ULK4: variants seen among roughly 807,000 people sequenced by gnomAD.
The protein encoded by ULK4 is unc-51 like kinase 4.
A neutral mutation model predicts 160.6 loss-of-function variants in ULK4; 133 were observed. The observed-to-expected ratio is 0.83, with a 90% CI of 0.72 to 0.96. The LOEUF (loss-of-function observed/expected upper bound fraction) is 0.96, where lower values mean the gene tolerates loss of function less well. Among genes scored for constraint, ULK4 ranks in the 40% least tolerant of loss-of-function variants. ULK4 has a pLI of 0.00. For missense variants in ULK4, 1,580 were observed against 1,499.5 expected (o/e 1.05, Z -0.89); for synonymous variants, 534 against 539.8 (o/e 0.99, Z 0.15).
At chr3:41,565,086 T>C (rs1046678800) in intron 32 of ULK4, among the ~76,000 whole-genome samples, 1 of 152,200 alleles carries the variant, frequency 6.6e-6, no homozygotes, top group Non-Finnish European at 1.5e-5. Context: ...CTACGGGCAA[T>C]AGGCAATAAA....
chr3:41,286,819 C>CA (rs1305027901), intron 35 of ULK4, among the ~76,000 whole-genome samples: 1 of 152,218 alleles, frequency 6.6e-6, no homozygotes. Context: ...CTCTTGCTGT[C>CA]AAAGTCGCTC....
At chr3:41,881,309 A>C (rs1411718963) in intron 17 of ULK4, among the ~76,000 whole-genome samples, 1 of 148,222 alleles carries the variant, frequency 6.7e-6, no homozygotes, top group African/African-American at 2.5e-5. Context: ...AAAAAAAAAA[A>C]ACAGGAAAAA....
chr3:41,702,370 C>T (rs2036704846), intron 27 of ULK4, among the ~76,000 whole-genome samples: 3 of 152,100 alleles, frequency 2.0e-5, no homozygotes, highest in South Asian at 4.1e-4. Flanking sequence ...GTCTTGAACT[C>T]CCAACCTCAT....
At chr3:41,403,800 A>T (rs1370890706) in intron 34 of ULK4, among the ~76,000 whole-genome samples, 1 of 151,918 alleles carries the variant, frequency 6.6e-6, no homozygotes, top group Non-Finnish European at 1.5e-5. Context: ...TTTCATTTTC[A>T]TTCAGTTCTA....
intron 2 of ULK4, among the ~76,000 whole-genome samples, chr3:41,950,075 C>T (rs193057280): frequency 2.4e-3 from 368 of 151,754 alleles, no homozygotes; most frequent in African/African-American, 7.9e-3. Flanking sequence ...ACTGGCAAAA[C>T]TCTATTTTTA....
intron 17 of ULK4, among the ~76,000 whole-genome samples, chr3:41,854,451 T>G (rs1162893985): frequency 6.6e-6 from 1 of 152,154 alleles, no homozygotes; most frequent in Non-Finnish European, 1.5e-5. Flanking sequence ...GTAGCAGCCC[T>G]TATCTGCACA....
intron 17 of ULK4, among the ~76,000 whole-genome samples, chr3:41,844,268 G>A (rs2042010014): frequency 1.3e-5 from 2 of 152,158 alleles, no homozygotes; most frequent in Non-Finnish European, 2.9e-5. Flanking sequence ...CGCGGAGGGG[G>A]TGGGAGGCTC....
Position 41,882,394 on chromosome 3 carries a change from T to C in ULK4, c.1656+1480A>G. The C allele has an allele frequency of 7.7e-6, 5 of 652,398 alleles. No individual in the cohort carries two copies. In the South Asian group the frequency reaches 8.6e-5, roughly 11 times the overall value. 40.4% of individuals were successfully genotyped at this position (652,398 alleles called of 1,614,324 possible). The stretch of plus-strand genomic sequence containing the variant: ...TTACAGGGTGGTCGTAGTATTCTTT[T>C]CTATAAGTTGATCATCTCAATTCAG... On this transcript the variant is annotated intron_variant, in intron 17 of 36. Coordinates refer to ENST00000301831, the MANE Select transcript of ULK4 (RefSeq NM_017886.4).
At chr3:41,461,773 C>T (rs2083690410) in intron 33 of ULK4, among the ~76,000 whole-genome samples, 1 of 152,072 alleles carries the variant, frequency 6.6e-6, no homozygotes, top group Admixed American at 6.6e-5. Flanking sequence ...TTTCTGTCTA[C>T]AATTTACAAG....
Position 41,352,775 on chromosome 3 carries a change from A to G in ULK4, c.3678+45304T>C, listed in dbSNP as rs757313662. 6.6e-4 allele frequency among the ~76,000 whole-genome samples: 100 copies of G among 152,302 alleles called. 1 individual carries two copies. The highest frequency in any genetic ancestry group is 2.5e-3 in the South Asian group (12 of 4,830). ...CTCATCTCTGCAGAGCTCAAAGCCCAAACAGGAGAGTGCGTGGCTTGCAGG... is the reference window on the plus strand; with the variant it reads ...CTCATCTCTGCAGAGCTCAAAGCCCGAACAGGAGAGTGCGTGGCTTGCAGG... On this transcript the variant is annotated intron_variant, in intron 35 of 36. Coordinates refer to ENST00000301831, the MANE Select transcript of ULK4 (RefSeq NM_017886.4).
intron 21 of ULK4, among the ~76,000 whole-genome samples, chr3:41,762,994 T>C (rs2039039877): frequency 1.3e-5 from 2 of 152,042 alleles, no homozygotes; most frequent in African/African-American, 4.8e-5. Flanking sequence ...CATCAGCTCT[T>C]GTGAGAACTC....
chr3:41,374,317 C>T (rs962454263), intron 35 of ULK4, among the ~76,000 whole-genome samples: 4 of 152,090 alleles, frequency 2.6e-5, no homozygotes, highest in South Asian at 4.1e-4. Flanking sequence ...TACCAAAACC[C>T]GGCAGAGACA....
chr3:41,608,982 G>A (rs568858193), intron 31 of ULK4, among the ~76,000 whole-genome samples: 4 of 152,330 alleles, frequency 2.6e-5, no homozygotes, highest in African/African-American at 9.6e-5. Flanking sequence ...AAGGAAGAAT[G>A]TGTATGTACT....
intron 32 of ULK4, among the ~76,000 whole-genome samples, chr3:41,509,958 T>C (rs1430511638): frequency 6.6e-6 from 1 of 152,126 alleles, no homozygotes; most frequent in Non-Finnish European, 1.5e-5. Context: ...GCAAGATGAA[T>C]AGAATAGTAC....
chr3:41,931,296 A>G (rs546579531), intron 5 of ULK4, among the ~76,000 whole-genome samples: 2 of 152,052 alleles, frequency 1.3e-5, no homozygotes, highest in African/African-American at 4.8e-5. Context: ...ACACATGGAC[A>G]CAGGGAGGGG....
intron 18 of ULK4, among the ~76,000 whole-genome samples, chr3:41,820,852 T>C (rs1575765095): frequency 6.6e-6 from 1 of 152,220 alleles, no homozygotes; most frequent in East Asian, 1.9e-4. Context: ...AGAAGAATCA[T>C]GACCCATTAA....
chr3:41,656,972 G>A (rs1002722585), intron 30 of ULK4, among the ~76,000 whole-genome samples: 1 of 152,156 alleles, frequency 6.6e-6, no homozygotes, highest in East Asian at 1.9e-4. Flanking sequence ...TCTCTGAGAG[G>A]AATGGTTTTG....
At chr3:41,646,709 C>G (rs1162170455) in intron 30 of ULK4, among the ~76,000 whole-genome samples, 1 of 152,056 alleles carries the variant, frequency 6.6e-6, no homozygotes, top group Non-Finnish European at 1.5e-5. Context: ...TTGTGGCGTT[C>G]TCTGTATTTC....
chr3:41,472,530 C>T (rs2084019311), intron 32 of ULK4, among the ~76,000 whole-genome samples: 1 of 150,814 alleles, frequency 6.6e-6, no homozygotes. Flanking sequence ...GATCACACCA[C>T]TGCACTCCAG....
Sources: gnomAD v4.1 joint callset for allele counts (sites outside exome capture counted in the v4.1 genomes callset) on GRCh38, gnomAD v4.1.1 for gene constraint, MANE v1.5 for transcripts, NCBI Gene and HGNC (gene_info 2026-07-23, HGNC 2026-07-21) for gene names.